The following STRN3 variants were observed in gnomAD, a reference collection of about 807,000 sequenced individuals.
The protein encoded by STRN3 is striatin-3.
In STRN3, 29 loss-of-function variants were observed where a neutral mutation model predicts 95.6. The ratio of observed to expected loss-of-function variants is 0.30; its 90% confidence interval spans 0.23 to 0.41. The LOEUF (loss-of-function observed/expected upper bound fraction) is 0.41. STRN3 is among the 10% of genes least tolerant of loss of function. The probability of loss-of-function intolerance (pLI) is 1.00; values close to 1 mark genes in which losing one functional copy is unlikely to be tolerated. For missense variants in STRN3, 890 were observed against 972.1 expected (o/e 0.92, Z 1.12); for synonymous variants, 331 against 357.6 (o/e 0.93, Z 0.84).
At chr14:30,903,230 C>G (rs140760189) in intron 15 of STRN3, among the ~76,000 whole-genome samples, 60 of 151,748 alleles carry the variant, frequency 4.0e-4, no homozygotes, top group African/African-American at 1.5e-3. Context: ...GCTTATGTAT[C>G]GCAACTCATA....
intron 1 of STRN3, among the ~76,000 whole-genome samples, chr14:30,993,563 A>C (rs1882063468): frequency 6.6e-6 from 1 of 152,224 alleles, no homozygotes; most frequent in Non-Finnish European, 1.5e-5. Flanking sequence ...AGCCTATGGC[A>C]TCAGATGCTT....
intron 1 of STRN3, among the ~76,000 whole-genome samples, chr14:31,022,197 G>A (rs777559330): frequency 4.6e-5 from 7 of 152,004 alleles, no homozygotes; most frequent in Non-Finnish European, 7.4e-5. Flanking sequence ...GGCTAACACG[G>A]TGAAACCCCA....
chr14:31,018,043 C>A lies in STRN3; in HGVS notation c.282+7861G>T, dbSNP rs1375531309. On this transcript the variant is annotated intron_variant, in intron 1 of 17. Transcript: ENST00000357479. ...CAGTGAGCCGGGATTGCGCCCACTG[C>A]ACTCCAGCCTGGGCAACAAAATGAA... 2.0e-5 allele frequency among the ~76,000 whole-genome samples: 3 copies of A among 148,022 alleles called. No individual in the cohort carries two copies. In the Admixed American group the frequency reaches 2.0e-4, roughly 10 times the overall value.
intron 1 of STRN3, among the ~76,000 whole-genome samples, chr14:31,016,235 C>T (rs1198004468): frequency 1.3e-5 from 2 of 152,114 alleles, no homozygotes; most frequent in African/African-American, 2.4e-5. Context: ...AAAACTTATA[C>T]GTCCACACAA....
chr14:31,015,768 AC>A (rs556244154), intron 1 of STRN3, among the ~76,000 whole-genome samples: 1 of 152,238 alleles, frequency 6.6e-6, no homozygotes, highest in East Asian at 1.9e-4. Flanking sequence ...CAAGACATTT[AC>A]TTTTAGAAGT....
At chr14:30,977,426 T>G (rs1029526702) in intron 1 of STRN3, among the ~76,000 whole-genome samples, 8 of 151,088 alleles carry the variant, frequency 5.3e-5, no homozygotes, top group Non-Finnish European at 7.4e-5. Context: ...CTAGCCAGGC[T>G]AGCAAAAAAG....
chr14:30,950,927 C>A lies in STRN3; in HGVS notation c.478G>T (p.Glu160Ter). The A allele has an allele frequency of 6.2e-7, 1 of 1,613,296 alleles. No homozygotes were observed. Among genetic ancestry groups the A allele is most frequent in the Non-Finnish European group, 8.5e-7 (1 of 1,179,794 alleles). The change falls in exon 4 of 18, where the codon GAG becomes TAG. Residue 160 changes from glutamate to a stop codon, truncating the protein, a stop_gained. Transcript: ENST00000357479. LOFTEE classifies it high-confidence loss of function. ...CTATTCTGAGGTGCTGTGGGAGCCT[C>A]TGTGTCTTTGGTTTCTTCTAAAAAT... is the stretch of plus-strand genomic sequence containing the variant. ...TFESEETKDT[E>*]APTAPQNSQL...
At chr14:30,969,945 T>A (rs1880741259) in intron 1 of STRN3, among the ~76,000 whole-genome samples, 1 of 152,128 alleles carries the variant, frequency 6.6e-6, no homozygotes, top group South Asian at 2.1e-4. Flanking sequence ...CTGCTGTTCG[T>A]ACAGCGAAAA....
At chr14:30,916,008 A>G (rs997147532) in intron 9 of STRN3, among the ~76,000 whole-genome samples, 1 of 152,154 alleles carries the variant, frequency 6.6e-6, no homozygotes, top group Admixed American at 6.5e-5. Context: ...TTTATGACAT[A>G]TTTATGTACC....
At chr14:31,020,351 T>C (rs1883446141) in intron 1 of STRN3, among the ~76,000 whole-genome samples, 1 of 151,558 alleles carries the variant, frequency 6.6e-6, no homozygotes, top group Non-Finnish European at 1.5e-5. Context: ...ATACAAAAAT[T>C]AGCTGGGCGT....
chr14:31,000,822 CTAAA>C (rs1401314409), intron 1 of STRN3, among the ~76,000 whole-genome samples: 5 of 148,294 alleles, frequency 3.4e-5, no homozygotes, highest in East Asian at 2.0e-4. Context: ...ACAGCAGGGG[CTAAA>C]TAAACAGCCG....
At chr14:30,977,348 C>A (rs899681014) in intron 1 of STRN3, among the ~76,000 whole-genome samples, 4 of 151,360 alleles carry the variant, frequency 2.6e-5, no homozygotes, top group African/African-American at 7.3e-5. Context: ...ACACAGAAAT[C>A]AAAAAAATTA....
chr14:30,951,951 C>G (rs1394016109), intron 3 of STRN3, among the ~76,000 whole-genome samples: 1 of 152,030 alleles, frequency 6.6e-6, no homozygotes, highest in African/African-American at 2.4e-5. Context: ...AACGCCGTCT[C>G]TAGCAAAAAT....
chr14:31,024,380 T>C (rs1268060710), intron 1 of STRN3, among the ~76,000 whole-genome samples: 1 of 152,328 alleles, frequency 6.6e-6, no homozygotes, highest in East Asian at 1.9e-4. Flanking sequence ...TAGAAAGCTG[T>C]ATACCAACAG....
chr14:30,962,186 AT>A (rs1469614243), intron 1 of STRN3, among the ~76,000 whole-genome samples: 1 of 152,222 alleles, frequency 6.6e-6, no homozygotes, highest in Non-Finnish European at 1.5e-5. Flanking sequence ...AAAAGTAAAA[AT>A]AAATCAAAAT....
At chr14:30,964,789 G>A (rs113427554) in intron 1 of STRN3, among the ~76,000 whole-genome samples, 1,942 of 152,054 alleles carry the variant, frequency 0.013, 31 homozygotes, top group African/African-American at 0.032. Context: ...CTGTGGTGGC[G>A]CGCACCTGTA....
chr14:30,962,723 G>T (rs75380699), intron 1 of STRN3, among the ~76,000 whole-genome samples: 14,638 of 151,986 alleles, frequency 0.096, 763 homozygotes, highest in South Asian at 0.16. Context: ...TTTTAAGATG[G>T]GATTTCACCA....
chr14:30,900,359 C>CAA (rs559429217), intron 16 of STRN3, among the ~76,000 whole-genome samples: 19 of 53,902 alleles, frequency 3.5e-4, no homozygotes, highest in African/African-American at 1.0e-3. Context: ...AACTCCATCT[C>CAA]AAAAAAAAAA....
intron 1 of STRN3, among the ~76,000 whole-genome samples, chr14:31,013,901 T>TTG: frequency 7.9e-6 from 1 of 126,478 alleles, no homozygotes; most frequent in Non-Finnish European, 1.8e-5. Flanking sequence ...TTATTATTAT[T>TTG]ATTATTATTA....
Sources: gnomAD v4.1 joint callset for allele counts (sites outside exome capture counted in the v4.1 genomes callset) on GRCh38, gnomAD v4.1.1 for gene constraint, MANE v1.5 for transcripts, NCBI Gene and HGNC (gene_info 2026-07-23, HGNC 2026-07-21) for gene names.